ETFDH: variants seen among roughly 807,000 people sequenced by gnomAD.
ETFDH encodes the protein electron transfer flavoprotein dehydrogenase, also known as electron transfer flavoprotein-ubiquinone oxidoreductase, mitochondrial.
Under a neutral mutation model 73.2 loss-of-function variants are expected in ETFDH, and 61 were observed. That is an observed-to-expected ratio of 0.83 (90% CI 0.68 to 1.03). The LOEUF is 1.03. ETFDH is among the 50% of genes least tolerant of loss of function. The pLI is 0.00. For missense variants in ETFDH, 685 were observed against 745.0 expected, an observed-to-expected ratio of 0.92 and a Z score of 0.94; for synonymous variants, 243 against 253.3, an observed-to-expected ratio of 0.96 and a Z score of 0.39.
At position 158,703,103 on chromosome 4, in the gene ETFDH, A is replaced by G. The variant is rs567217541; in HGVS notation, c.1117-320A>G. On this transcript the variant is annotated intron_variant, in intron 9 of 12. Coordinates refer to ENST00000511912, the MANE Select transcript of ETFDH (RefSeq NM_004453.4). ...AGGTTTAGAGAATATTTTAACTATGACATGGATATGTGTAAATAAAACATT... is the reference window on the plus strand; with the variant it reads ...AGGTTTAGAGAATATTTTAACTATGGCATGGATATGTGTAAATAAAACATT... Among the ~76,000 whole-genome samples the G allele has an allele frequency of 1.3e-4, 20 of 152,328 alleles. No individual in the cohort carries two copies. The South Asian group carries it at 4.1e-3, about 32-fold the overall frequency.
At chr4:158,674,233 CT>C (rs535420652) in intron 1 of ETFDH, among the ~76,000 whole-genome samples, 76 of 150,128 alleles carry the variant, frequency 5.1e-4, no homozygotes, top group Admixed American at 3.7e-3. Context: ...ATTTAATATA[CT>C]TTTTTTTTTC....
At chr4:158,699,439 G>A (rs947292847) in intron 9 of ETFDH, among the ~76,000 whole-genome samples, 1 of 152,078 alleles carries the variant, frequency 6.6e-6, no homozygotes, top group Non-Finnish European at 1.5e-5. Flanking sequence ...GCATGGTGAC[G>A]AGCGCCTGTG....
intron 1 of ETFDH, among the ~76,000 whole-genome samples, chr4:158,673,023 G>A (rs1251196428): frequency 6.6e-6 from 1 of 152,224 alleles, no homozygotes; most frequent in Non-Finnish European, 1.5e-5. Flanking sequence ...AAAATTAAGG[G>A]CTGGGCGTGG....
At chr4:158,697,902 C>T (rs1774354516) in intron 8 of ETFDH, among the ~76,000 whole-genome samples, 1 of 152,210 alleles carries the variant, frequency 6.6e-6, no homozygotes. Flanking sequence ...AGCTGCTACA[C>T]TCCAGGCACT....
intron 4 of ETFDH, 80 bp from the exon 5 acceptor site, chr4:158,685,021 T>C: frequency 4.8e-6 from 4 of 841,168 alleles, no homozygotes; most frequent in Non-Finnish European, 8.0e-6. Context: ...ACATATTGAT[T>C]CGAAATTTTA....
intron 1 of ETFDH, among the ~76,000 whole-genome samples, chr4:158,677,206 C>G (rs1379421176): frequency 1.3e-5 from 2 of 152,198 alleles, no homozygotes; most frequent in Non-Finnish European, 2.9e-5. Flanking sequence ...ATGTGAGGAC[C>G]ATGACCCACG....
At chr4:158,681,541 T>G (rs921789598) in intron 2 of ETFDH, 1 of 152,778 alleles carries the variant, frequency 6.5e-6, no homozygotes, top group African/African-American at 2.4e-5. Context: ...TGTAATGTCC[T>G]TGTCCTTCAC....
intron 2 of ETFDH, among the ~76,000 whole-genome samples, chr4:158,680,981 AACG>A (rs1354014014): frequency 2.0e-5 from 3 of 152,156 alleles, no homozygotes; most frequent in Non-Finnish European, 4.4e-5. Context: ...CTTGATAATA[AACG>A]ACTGTTACTG....
chr4:158,697,504 T>C (rs920498762), intron 7 of ETFDH, 55 bp from the exon 8 acceptor site: 1 of 1,512,148 alleles, frequency 6.6e-7, no homozygotes, highest in African/African-American at 1.4e-5. Context: ...TGTGGTGACA[T>C]AAAAACATTT....
rs775498949 is a variant in ETFDH, at chr4:158,708,479, C to A, written c.1806C>A (p.Asn602Lys). The A allele has an allele frequency of 1.2e-6, 2 of 1,613,274 alleles. No individual in the cohort carries two copies. The highest frequency in any genetic ancestry group is 1.7e-6 in the Non-Finnish European group (2 of 1,179,296). Residue 602 changes from asparagine to lysine, a missense_variant, in exon 13 of 13, where the codon AAC (asparagine) becomes AAA (lysine). Asn to Lys is a moderately conservative substitution (Grantham distance 94). This residue lies in a region of ETFDH where 201 missense variants were observed against 225.2 expected (regional missense o/e 0.89). Transcript: ENST00000511912. ...CDIKDPSQNINWVVPEGGGGP... is the reference protein window; with the variant it reads ...CDIKDPSQNIKWVVPEGGGGP... Reference sequence around the variant, plus strand: ...TTAAAGATCCAAGTCAGAATATTAACTGGGTGGTACCTGAAGGTGGAGGAG... The same window carrying A: ...TTAAAGATCCAAGTCAGAATATTAAATGGGTGGTACCTGAAGGTGGAGGAG...
chr4:158,681,410 A>G (rs142978528), intron 2 of ETFDH, among the ~76,000 whole-genome samples: 1,774 of 152,362 alleles, frequency 0.012, 26 homozygotes, highest in African/African-American at 0.038. Context: ...AAAAGTTTAA[A>G]ACATTTAAAA....
At position 158,682,434 on chromosome 4, in the gene ETFDH, A is replaced by ATTGT; in HGVS notation, c.405+13_405+16dup. 6.2e-7 allele frequency: 1 copy of ATTGT among 1,601,130 alleles called. No homozygotes were observed. On this transcript the variant is annotated intron_variant, in intron 3 of 12. Coordinates refer to ENST00000511912, the MANE Select transcript of ETFDH (RefSeq NM_004453.4). Reference sequence around the variant, plus strand: ...CTGGAAAGAGAAGGGGGTATGAAAAATTGTTTTTTATACAAAGTCTAATCT... The same window carrying ATTGT: ...CTGGAAAGAGAAGGGGGTATGAAAAATTGTTTGTTTTTTATACAAAGTCTAATCT...
At chr4:158,691,123 A>C (rs1345779959) in intron 6 of ETFDH, among the ~76,000 whole-genome samples, 2 of 152,244 alleles carry the variant, frequency 1.3e-5, no homozygotes, top group African/African-American at 4.8e-5. Context: ...TAAGGAGAGA[A>C]TCAGTAAGAT....
intron 7 of ETFDH, among the ~76,000 whole-genome samples, chr4:158,697,013 G>A (rs566214423): frequency 2.6e-5 from 4 of 152,096 alleles, no homozygotes; most frequent in African/African-American, 9.6e-5. Context: ...TTTCTGACCT[G>A]TTTCTTTAAT....
intron 1 of ETFDH, chr4:158,679,266 T>G (rs1280856259): frequency 6.6e-6 from 1 of 152,028 alleles, no homozygotes; most frequent in Non-Finnish European, 1.5e-5. Context: ...CATGGGAGGA[T>G]TCTTTGTCTT....
Position 158,680,383 on chromosome 4 carries a change from G to A in ETFDH, c.35-84G>A, listed in dbSNP as rs550870904. 7.4e-5 allele frequency: 67 copies of A among 904,370 alleles called. No individual in the cohort carries two copies. The South Asian group carries it at 8.8e-4, about 12-fold the overall frequency. 56.0% of individuals were successfully genotyped at this position (904,370 alleles called of 1,614,324 possible). A position where few individuals can be genotyped will look rare whatever the true frequency, so the allele number is the denominator to read the frequency against. On this transcript the variant is annotated intron_variant, in intron 1 of 12. Coordinates refer to ENST00000511912, the MANE Select transcript of ETFDH (RefSeq NM_004453.4). ...TAGTATATTTCACTATACTCATTGA[G>A]TATAGTCATTCACTTATATTTTTTC...
intron 1 of ETFDH, chr4:158,680,111 AAAG>A (rs1410314952): frequency 6.5e-6 from 1 of 154,232 alleles, no homozygotes; most frequent in Non-Finnish European, 1.4e-5. Context: ...AGAAGAAGAA[AAAG>A]AAGAAGATAC....
Position 158,695,373 on chromosome 4 carries a change from TATA to T in ETFDH, c.685-120_685-118del, listed in dbSNP as rs1283718679. 1.2e-5 allele frequency: 8 copies of T among 648,320 alleles called. No individual in the cohort carries two copies. The East Asian group carries it at 1.4e-4, about 11-fold the overall frequency. The allele number at this position is 648,320 out of a possible 1,614,324, so 40.2% of individuals were successfully genotyped here. A position where few individuals can be genotyped will look rare whatever the true frequency, so the allele number is the denominator to read the frequency against. ...ATTATATATTTACTATGTGATTCTT[TATA>T]ATATTATACATTTGCACTGTCTCTT... is the stretch of plus-strand genomic sequence containing the variant. On this transcript the variant is annotated intron_variant, in intron 6 of 12. Coordinates refer to ENST00000511912, the MANE Select transcript of ETFDH (RefSeq NM_004453.4).
rs1250513039 is a variant in ETFDH, at chr4:158,697,543, C to G, written c.832-16C>G. On this transcript the variant is annotated splice_polypyrimidine_tract_variant and intron_variant, in intron 7 of 12. Transcript: ENST00000511912. ...AAATACTGCAGGACTTTTTTGTTTG[C>G]TTTTTTTTTTTTTAGTTATGGGTTA... is the stretch of plus-strand genomic sequence containing the variant. 3 of 1,362,256 alleles carry G rather than the reference C, an allele frequency of 2.2e-6. No individual in the cohort carries two copies. Among genetic ancestry groups the G allele is most frequent in the Non-Finnish European group, 3.0e-6 (3 of 984,900 alleles). The allele number at this position is 1,362,256 out of a possible 1,614,324, so 84.4% of individuals were successfully genotyped here.
Sources: allele counts gnomAD v4.1 joint callset (sites outside exome capture counted in the v4.1 genomes callset), GRCh38; gene constraint gnomAD v4.1.1; regional missense constraint gnomAD v4.1.1; transcripts MANE v1.5; gene names NCBI Gene and HGNC (gene_info 2026-07-23, HGNC 2026-07-21).